FLI1: variants seen among roughly 807,000 people sequenced by gnomAD.
FLI1 encodes the protein Friend leukemia integration 1 transcription factor.
In FLI1, 13 loss-of-function variants were observed where a neutral mutation model predicts 53.1. The ratio of observed to expected loss-of-function variants is 0.24; its 90% CI spans 0.16 to 0.39. FLI1 has a LOEUF of 0.39. Ranked by LOEUF, FLI1 falls within the 10% of genes least tolerant of loss-of-function variation. The pLI, the probability that FLI1 is intolerant of heterozygous loss-of-function variation, is 1.00. For synonymous variants in FLI1, 244 were observed against 236.7 expected (o/e 1.03, Z -0.28); for missense variants, 424 against 600.5 (o/e 0.71, Z 3.07).
chr11:128,779,625 A>G (rs368247184), intron 4 of FLI1, among the ~76,000 whole-genome samples: 4 of 152,326 alleles, frequency 2.6e-5, no homozygotes, highest in African/African-American at 9.6e-5. Context: ...GCATTATTTG[A>G]TTTAATCTTC....
chr11:128,709,970 G>T (rs1279838597), intron 1 of FLI1, among the ~76,000 whole-genome samples: 1 of 152,232 alleles, frequency 6.6e-6, no homozygotes. Context: ...TGACTTTGGT[G>T]TGAGTGAAGG....
intron 1 of FLI1, among the ~76,000 whole-genome samples, chr11:128,732,524 C>T (rs529017155): frequency 3.5e-4 from 53 of 152,110 alleles, no homozygotes; most frequent in Non-Finnish European, 5.9e-4. Context: ...AATGGGAGAG[C>T]GACACAAATC....
chr11:128,729,403 C>T (rs917816191), intron 1 of FLI1, among the ~76,000 whole-genome samples: 2 of 152,344 alleles, frequency 1.3e-5, no homozygotes, highest in East Asian at 3.9e-4. Context: ...GTCTTAATCT[C>T]AGGCACACAC....
intron 1 of FLI1, among the ~76,000 whole-genome samples, chr11:128,735,489 A>T (rs770701760): frequency 6.6e-6 from 1 of 152,236 alleles, no homozygotes; most frequent in Admixed American, 6.5e-5. Context: ...TTCCTAAGAT[A>T]CCATTTGATT....
chr11:128,775,122 T>C (rs1424858441), intron 4 of FLI1, among the ~76,000 whole-genome samples: 1 of 152,180 alleles, frequency 6.6e-6, no homozygotes, highest in Non-Finnish European at 1.5e-5. Flanking sequence ...CCAGCTTGTA[T>C]ACTGAAGACA....
chr11:128,746,453 T>G (rs199842908), intron 1 of FLI1, among the ~76,000 whole-genome samples: 1 of 152,334 alleles, frequency 6.6e-6, no homozygotes, highest in East Asian at 1.9e-4. Context: ...GCTTCCCCTG[T>G]GGGAGCCCAT....
chr11:128,739,668 GA>G (rs755231984), intron 1 of FLI1, among the ~76,000 whole-genome samples: 13 of 151,938 alleles, frequency 8.6e-5, no homozygotes, highest in African/African-American at 2.9e-4. Context: ...TATTAGGGGG[GA>G]AAAATCCTTC....
intron 5 of FLI1, among the ~76,000 whole-genome samples, chr11:128,799,724 C>A (rs563286120): frequency 3.3e-5 from 5 of 152,314 alleles, no homozygotes; most frequent in Non-Finnish European, 7.4e-5. Flanking sequence ...GCAAAGACTG[C>A]AGCAGATGAG....
At chr11:128,702,312 T>G (rs184383024) in intron 1 of FLI1, among the ~76,000 whole-genome samples, 16 of 152,356 alleles carry the variant, frequency 1.1e-4, no homozygotes, top group African/African-American at 3.6e-4. Context: ...ATTTCTCTTC[T>G]TTCTGATTTT....
chr11:128,691,220 G>A (rs961494314), upstream of FLI1, among the ~76,000 whole-genome samples: 17 of 152,200 alleles, frequency 1.1e-4, no homozygotes, highest in African/African-American at 4.1e-4. Flanking sequence ...CCAGATGTCT[G>A]GTGGTAACCA....
chr11:128,698,708 T>TTGTGTG (rs1392799033), intron 1 of FLI1, among the ~76,000 whole-genome samples: 2 of 79,196 alleles, frequency 2.5e-5, no homozygotes, highest in African/African-American at 1.1e-4. Context: ...GTGTATGTGT[T>TTGTGTG]TGCGTGTGTG....
At chr11:128,779,708 G>A (rs57166528) in intron 4 of FLI1, among the ~76,000 whole-genome samples, 9,442 of 152,232 alleles carry the variant, frequency 0.062, 1,008 homozygotes, top group African/African-American at 0.22. Context: ...AGGGAAATCA[G>A]TGGAGGGCAC....
Position 128,812,939 on chromosome 11 carries a change from G to C in FLI1, c.*1951G>C. On this transcript the variant is annotated 3_prime_UTR_variant, in exon 9 of 9. Transcript: ENST00000527786. The stretch of plus-strand genomic sequence containing the variant: ...CATTTTCTCTATTTTACAATGAAAA[G>C]AGTGAGACCTGGGAAGTCCTTGATT... The C allele has an allele frequency of 1.2e-5, 2 of 160,710 alleles. 1 individual carries two copies. The highest frequency in any genetic ancestry group is 2.1e-4 in the East Asian group (2 of 9,638). The allele number at this position is 160,710 out of a possible 1,614,324, so 10.0% of individuals were successfully genotyped here.
intron 5 of FLI1, among the ~76,000 whole-genome samples, chr11:128,785,753 G>A (rs529851477): frequency 6.6e-6 from 1 of 152,244 alleles, no homozygotes; most frequent in African/African-American, 2.4e-5. Context: ...ACTGACTCTA[G>A]GACAAACATT....
At chr11:128,718,609 A>G (rs1420399164) in intron 1 of FLI1, among the ~76,000 whole-genome samples, 1 of 152,098 alleles carries the variant, frequency 6.6e-6, no homozygotes, top group African/African-American at 2.4e-5. Flanking sequence ...CAACAGCAAG[A>G]CCATTATTTG....
chr11:128,738,297 T>C (rs1850325536), intron 1 of FLI1, among the ~76,000 whole-genome samples: 1 of 152,234 alleles, frequency 6.6e-6, no homozygotes, highest in Non-Finnish European at 1.5e-5. Flanking sequence ...ATCTTCCACA[T>C]CTGCTTTTTG....
chr11:128,741,932 A>C (rs1217009027), intron 1 of FLI1, among the ~76,000 whole-genome samples: 3 of 152,144 alleles, frequency 2.0e-5, no homozygotes, highest in Non-Finnish European at 2.9e-5. Context: ...TGACGGTGAC[A>C]ATGCACTGCT....
chr11:128,790,172 AT>A (rs1942227851), intron 5 of FLI1, among the ~76,000 whole-genome samples: 1 of 150,154 alleles, frequency 6.7e-6, no homozygotes, highest in African/African-American at 2.5e-5. Context: ...TCTCTATTTT[AT>A]TTTTTAAAAA....
At chr11:128,721,529 G>A (rs1939250770) in intron 1 of FLI1, among the ~76,000 whole-genome samples, 1 of 152,118 alleles carries the variant, frequency 6.6e-6, no homozygotes, top group South Asian at 2.1e-4. Flanking sequence ...CTCAAGCATG[G>A]TTCAGTCTCA....
Sources: gnomAD v4.1 joint callset for allele counts (sites outside exome capture counted in the v4.1 genomes callset) on GRCh38, gnomAD v4.1.1 for gene constraint, MANE v1.5 for transcripts, NCBI Gene and HGNC (gene_info 2026-07-23, HGNC 2026-07-21) for gene names.